The following USP42 variants were observed in gnomAD, a reference collection of about 807,000 sequenced individuals.
USP42 encodes ubiquitin specific peptidase 42.
Under a neutral mutation model 113.0 loss-of-function variants are expected in USP42, and 23 were observed. The ratio of observed to expected loss-of-function variants is 0.20; its 90% CI spans 0.15 to 0.29. USP42 has a LOEUF of 0.29. Among genes scored for constraint, USP42 ranks in the 10% least tolerant of loss-of-function variants. USP42 has a pLI of 1.00. For missense variants in USP42, 2,174 were observed against 1,779.8 expected (o/e 1.22, Z -3.99); for synonymous variants, 933 against 699.0 (o/e 1.33, Z -5.28).
rs1782525117 is a variant in USP42 at position 6,157,508 on chromosome 7, C to T, written c.3943+453C>T. 1 of 546,952 alleles carries T rather than the reference C, an allele frequency of 1.8e-6. No homozygotes were observed. The highest frequency in any genetic ancestry group is 2.1e-5 in the African/African-American group (1 of 48,616). 33.9% of individuals were successfully genotyped at this position (546,952 alleles called of 1,614,324 possible). A position where few individuals can be genotyped will look rare whatever the true frequency, so the allele number is the denominator to read the frequency against. On this transcript the variant is annotated intron_variant, in intron 16 of 17. Transcript: ENST00000306177. The surrounding 1 kb of genome is among the most constrained non-coding windows in gnomAD (Gnocchi z 4.1). ...TGCCTCCCAGGTTCATGCTGTTCTC[C>T]TGCCTCAGCCTCCTGAGTAGCCGGG...
At chr7:6,136,802 GTTC>G (rs1358047529) in intron 4 of USP42, among the ~76,000 whole-genome samples, 1 of 151,132 alleles carries the variant, frequency 6.6e-6, no homozygotes, top group Non-Finnish European at 1.5e-5. Flanking sequence ...TCTTTTTTCG[GTTC>G]TTCTTTTTTT....
chr7:6,088,077 A>C, the USP42 span, among the ~76,000 whole-genome samples: 1 of 150,822 alleles, frequency 6.6e-6, no homozygotes, highest in African/African-American at 2.5e-5. Flanking sequence ...AGGCAGGAGG[A>C]TTGCTTGAGG....
chr7:6,137,463 A>T (rs1361714912), intron 4 of USP42, among the ~76,000 whole-genome samples: 1 of 152,118 alleles, frequency 6.6e-6, no homozygotes, highest in East Asian at 1.9e-4. Context: ...GGTTCAAGTG[A>T]TTCTTCTGCC....
At chr7:6,122,175 A>G (rs1780261809) in intron 3 of USP42, among the ~76,000 whole-genome samples, 1 of 151,778 alleles carries the variant, frequency 6.6e-6, no homozygotes, top group Non-Finnish European at 1.5e-5. Context: ...AGGTCATTTG[A>G]TTTGAGATCT....
In USP42 at chr7:6,154,518, C is replaced by CGACCGCCAG. The variant is rs1782296196; in HGVS notation, c.2973_2981dup (p.Gln991_Arg993dup). ...GGCGCCGCACCTGCCCCCGGGAGCG[C>CGACCGCCAG]GACCGCCAGGACCGCCACGCCCCGG... On this transcript the variant is annotated inframe_insertion, in exon 15 of 18. Coordinates refer to ENST00000306177, the MANE Select transcript of USP42 (RefSeq NM_032172.3). 1 of 1,541,204 alleles carries CGACCGCCAG rather than the reference C, an allele frequency of 6.5e-7. No individual in the cohort carries two copies. Among genetic ancestry groups the CGACCGCCAG allele is most frequent in the Non-Finnish European group, 8.7e-7 (1 of 1,143,718 alleles).
At chr7:6,130,316 T>C (rs982082158) in intron 3 of USP42, among the ~76,000 whole-genome samples, 6 of 152,216 alleles carry the variant, frequency 3.9e-5, no homozygotes, top group East Asian at 1.9e-4. Context: ...TTGGGGATCG[T>C]TGTCCCTGCT....
chr7:6,157,122 G>C lies in USP42; in HGVS notation c.3943+67G>C. 1 of 1,463,836 alleles carries C rather than the reference G, an allele frequency of 6.8e-7. No individual in the cohort carries two copies. Among genetic ancestry groups the C allele is most frequent in the South Asian group, 1.5e-5 (1 of 68,570 alleles). The allele number at this position is 1,463,836 out of a possible 1,614,324, so 90.7% of individuals were successfully genotyped here. On this transcript the variant is annotated intron_variant, in intron 16 of 17. Transcript: ENST00000306177. This position sits in a 1 kb window ranked among gnomAD's most constrained non-coding sequence, Gnocchi z 4.1. ...CTTAATACATTTTCTTTGCAAAGGT[G>C]ATTAACATGTAGAAAGAAAACCTCA... is the stretch of plus-strand genomic sequence containing the variant.
At chr7:6,124,099 A>G (rs116587355) in intron 3 of USP42, among the ~76,000 whole-genome samples, 2,108 of 150,202 alleles carry the variant, frequency 0.014, 49 homozygotes, top group African/African-American at 0.048. Context: ...TGGTCTTGAA[A>G]TCTTAACCTC....
intron 4 of USP42, among the ~76,000 whole-genome samples, chr7:6,138,152 C>G (rs763720941): frequency 6.6e-6 from 1 of 152,148 alleles, no homozygotes; most frequent in South Asian, 2.1e-4. Context: ...TTGGCAGTTT[C>G]ATGTGATTTA....
chr7:6,085,864 TG>T, the USP42 span, among the ~76,000 whole-genome samples: 1 of 150,754 alleles, frequency 6.6e-6, no homozygotes, highest in South Asian at 2.1e-4. Flanking sequence ...CTGCCCGCCT[TG>T]GCCTCCCAAG....
intron 3 of USP42, chr7:6,128,229 A>T: frequency 6.7e-6 from 1 of 149,384 alleles, no homozygotes; most frequent in Non-Finnish European, 1.5e-5. Context: ...TTGGAATTAC[A>T]GGTGTGAGCC....
the USP42 span, chr7:6,084,637 C>T: frequency 1.3e-5 from 2 of 151,368 alleles, no homozygotes; most frequent in Non-Finnish European, 2.9e-5. Context: ...CACCATTCGC[C>T]ATCGCACCTG....
At chr7:6,104,085 T>C (rs967832519), upstream of USP42, among the ~76,000 whole-genome samples, 6 of 151,240 alleles carry the variant, frequency 4.0e-5, 1 homozygote, top group African/African-American at 1.5e-4. Flanking sequence ...TCTTTTCTTT[T>C]CTTTTTTGAG....
chr7:6,150,988 A>G (rs1260384441), intron 14 of USP42, among the ~76,000 whole-genome samples: 1 of 152,230 alleles, frequency 6.6e-6, no homozygotes, highest in Non-Finnish European at 1.5e-5. Flanking sequence ...ACAGACCTAG[A>G]TGGTGTGTCC....
chr7:6,128,138 A>C (rs1481816843), intron 3 of USP42: 1 of 151,558 alleles, frequency 6.6e-6, no homozygotes, highest in Non-Finnish European at 1.5e-5. Context: ...ACTTTTGTAG[A>C]GATTTGGTCT....
chr7:6,131,469 G>A (rs878986874), intron 3 of USP42, among the ~76,000 whole-genome samples: 1 of 151,984 alleles, frequency 6.6e-6, no homozygotes, highest in African/African-American at 2.4e-5. Flanking sequence ...GTGAGATGCT[G>A]TCTCAAAAAA....
In USP42 at chr7:6,147,715, A is replaced by C. The variant is rs199665296; in HGVS notation, c.1233-24A>C. 1.1e-3 allele frequency: 1,661 copies of C among 1,555,802 alleles called. 26 individuals are homozygous for C. In the South Asian group the frequency reaches 0.016, roughly 15 times the overall value. Reference sequence around the variant, plus strand: ...CTAAGGAGGTGTCCTGTGTCACCCTAAGTATCGCTCTCCTTGTTTCCAGGT... The same window carrying C: ...CTAAGGAGGTGTCCTGTGTCACCCTCAGTATCGCTCTCCTTGTTTCCAGGT... On this transcript the variant is annotated intron_variant, in intron 11 of 17. Transcript: ENST00000306177.
rs1197808933 is a variant in USP42, at chr7:6,154,821, C to T, written c.3267C>T (p.His1089=). The part of the protein sequence containing the change: ...GGREHERAGL[H]ERPHKDHNRG... Reference sequence around the variant, plus strand: ...GCGAGCACGAGCGGGCCGGGCTGCACGAGCGGCCGCACAAGGACCACAACC... The same window carrying T: ...GCGAGCACGAGCGGGCCGGGCTGCATGAGCGGCCGCACAAGGACCACAACC... Residue 1089 remains histidine, a synonymous_variant, in exon 15 of 18, where the codon CAC becomes CAT. Coordinates refer to ENST00000306177, the MANE Select transcript of USP42 (RefSeq NM_032172.3). 7.1e-6 allele frequency: 11 copies of T among 1,542,452 alleles called. No individual in the cohort carries two copies. In the East Asian group the frequency reaches 7.4e-5, roughly 10 times the overall value.
rs76580629 is a variant in USP42, at chr7:6,128,677, T to G, written c.443-7164T>G. 4.4e-4 allele frequency among the ~76,000 whole-genome samples: 67 copies of G among 152,282 alleles called. 2 individuals carry two copies. The East Asian group carries it at 0.013, about 29-fold the overall frequency. ...AGGTGATTATTGATATTTTAAGACT[T>G]AAGGCTTATTCTGCCATTTAATGTT... On this transcript the variant is annotated intron_variant, in intron 3 of 17. Coordinates refer to ENST00000306177, the MANE Select transcript of USP42 (RefSeq NM_032172.3).
Sources: gnomAD v4.1 joint callset for allele counts (sites outside exome capture counted in the v4.1 genomes callset) on GRCh38, gnomAD v4.1.1 for gene constraint, Gnocchi (gnomAD v3.1) non-coding constraint, MANE v1.5 for transcripts, NCBI Gene and HGNC (gene_info 2026-07-23, HGNC 2026-07-21) for gene names.